The following SEC22C variants were observed in gnomAD, a reference collection of about 807,000 sequenced individuals.
The protein encoded by SEC22C is vesicle-trafficking protein SEC22c.
In SEC22C, 29 loss-of-function variants were observed where a neutral mutation model predicts 34.7. The observed-to-expected ratio is 0.84, with a 90% CI of 0.62 to 1.14. The LOEUF (loss-of-function observed/expected upper bound fraction) is 1.14, where lower values mean the gene tolerates loss of function less well. Among genes scored for constraint, SEC22C ranks in the 50% most tolerant of loss-of-function variants. The pLI is 0.00. For synonymous variants in SEC22C, 117 were observed against 132.8 expected (o/e 0.88, Z 0.82); for missense variants, 337 against 369.0 (o/e 0.91, Z 0.71).
At chr3:42,585,941 CCCCCCCT>C (rs1559534390), upstream of SEC22C, among the ~76,000 whole-genome samples, 1 of 151,888 alleles carries the variant, frequency 6.6e-6, no homozygotes, top group Admixed American at 6.6e-5. Context: ...CACTCTTCAA[CCCCCCCT>C]CCCCCGCTTG....
In SEC22C at chr3:42,550,417, A is replaced by T; in HGVS notation, c.*2831T>A. ...TCAAGGATCACACAAGAGGCTATAA[A>T]CCTCCAACCCTGAACCAAGTCAAAC... On this transcript the variant is annotated 3_prime_UTR_variant, in exon 7 of 7. Transcript: ENST00000264454. 1.0e-6 allele frequency: 1 copy of T among 985,348 alleles called. No homozygotes were observed. Among genetic ancestry groups the T allele is most frequent in the African/African-American group, 1.7e-5 (1 of 57,320 alleles). The allele number at this position is 985,348 out of a possible 1,614,324, so 61.0% of individuals were successfully genotyped here.
At chr3:42,588,847 A>C (rs1359575784) in intron 1 of SEC22C, among the ~76,000 whole-genome samples, 1 of 152,084 alleles carries the variant, frequency 6.6e-6, no homozygotes, top group African/African-American at 2.4e-5. Flanking sequence ...GCTTTGGGGA[A>C]TTTTCCTGAG....
upstream of SEC22C, among the ~76,000 whole-genome samples, chr3:42,585,210 G>A (rs1488540276): frequency 6.6e-6 from 1 of 152,206 alleles, no homozygotes; most frequent in East Asian, 1.9e-4. Flanking sequence ...GAGTGCTTTA[G>A]AACAGGACCT....
intron 4 of SEC22C, 62 bp downstream of exon 4, chr3:42,561,055 C>G (rs1702870420): frequency 6.6e-7 from 1 of 1,512,752 alleles, no homozygotes; most frequent in Admixed American, 2.1e-5. Flanking sequence ...AAAAAAAAAT[C>G]AACGTCCATT....
At chr3:42,601,058 G>A in exon 1 of SEC22C, 1 of 1,574,606 alleles carries the variant, frequency 6.4e-7, no homozygotes, top group South Asian at 1.2e-5. Flanking sequence ...GATCAACCGG[G>A]AGCCGGGTGA....
intron 4 of SEC22C, among the ~76,000 whole-genome samples, chr3:42,559,596 C>T (rs1702748978): frequency 6.6e-6 from 1 of 152,088 alleles, no homozygotes; most frequent in Admixed American, 6.6e-5. Context: ...TAAGTCAAAA[C>T]CATGAATATA....
At chr3:42,554,211 C>T (rs761400483) in intron 6 of SEC22C, among the ~76,000 whole-genome samples, 1 of 152,088 alleles carries the variant, frequency 6.6e-6, no homozygotes, top group Non-Finnish European at 1.5e-5. Flanking sequence ...TGAGGTGGAA[C>T]TGTACAATCC....
chr3:42,591,097 G>A, intron 1 of SEC22C: 1 of 1,016,698 alleles, frequency 9.8e-7, no homozygotes, highest in Non-Finnish European at 1.5e-6. Flanking sequence ...GCCGGGGTGC[G>A]GGGTGAGATG....
chr3:42,583,938 C>T (rs1049029849), upstream of SEC22C, among the ~76,000 whole-genome samples: 2 of 152,186 alleles, frequency 1.3e-5, no homozygotes, highest in Non-Finnish European at 2.9e-5. Context: ...CGGCTTGGGC[C>T]TTGGACTGGG....
At chr3:42,600,291 G>C (rs963295129) in intron 1 of SEC22C, 1 of 152,218 alleles carries the variant, frequency 6.6e-6, no homozygotes, top group Non-Finnish European at 1.5e-5. Flanking sequence ...AAAGAACACA[G>C]AGCAACACAA....
Position 42,553,307 on chromosome 3 carries a change from A to G in SEC22C, c.853T>C (p.Ser285Pro). The change falls in exon 7 of 7, where the codon TCT (serine) becomes CCT (proline). Residue 285 changes from serine (S) to proline (P), a missense_variant. Physicochemically the swap from Ser to Pro is moderately conservative, Grantham distance 74. Coordinates refer to ENST00000264454, the MANE Select transcript of SEC22C (RefSeq NM_032970.4). The stretch of plus-strand genomic sequence containing the variant: ...TGCCTTGTTAGTATCTGATATGAAG[A>G]CAGAAAAGCCACTCCTATGTGGAAA... ...ILFHIGVAFL[S>P]SYQILTRQLQ... The G allele has an allele frequency of 1.2e-6, 2 of 1,614,224 alleles. No homozygotes were observed. Among genetic ancestry groups the G allele is most frequent in the Non-Finnish European group, 1.7e-6 (2 of 1,180,040 alleles).
Position 42,549,263 on chromosome 3 carries a change from C to T in SEC22C, c.*3985G>A. The stretch of plus-strand genomic sequence containing the variant: ...GGCACATCTGATCACCATAAATGCT[C>T]CCACCCCTGCCTGTCCTCACTTGTG... On this transcript the variant is annotated 3_prime_UTR_variant, in exon 7 of 7. Transcript: ENST00000264454. 1 of 986,244 alleles carries T rather than the reference C, an allele frequency of 1.0e-6. No homozygotes were observed. Among genetic ancestry groups the T allele is most frequent in the African/African-American group, 1.7e-5 (1 of 57,358 alleles). The allele number at this position is 986,244 out of a possible 1,614,324, so 61.1% of individuals were successfully genotyped here.
At chr3:42,553,886 T>G (rs1702373204) in intron 6 of SEC22C, among the ~76,000 whole-genome samples, 1 of 152,164 alleles carries the variant, frequency 6.6e-6, no homozygotes, top group African/African-American at 2.4e-5. Flanking sequence ...ATGCTTTTAC[T>G]ATTTTGGTTT....
Position 42,552,686 on chromosome 3 carries a change from T to G in SEC22C, c.*562A>C. On this transcript the variant is annotated 3_prime_UTR_variant, in exon 7 of 7. Coordinates refer to ENST00000264454, the MANE Select transcript of SEC22C (RefSeq NM_032970.4). ...TGAAGTCCAATTTATATCCAAAATA[T>G]AATTAAATATTCCAAAGGTATATCG... is the stretch of plus-strand genomic sequence containing the variant. 1.0e-6 allele frequency: 1 copy of G among 981,002 alleles called. No homozygotes were observed. Among genetic ancestry groups the G allele is most frequent in the Non-Finnish European group, 1.2e-6 (1 of 825,914 alleles). 60.8% of individuals were successfully genotyped at this position (981,002 alleles called of 1,614,324 possible). A position where few individuals can be genotyped will look rare whatever the true frequency, so the allele number is the denominator to read the frequency against.
chr3:42,558,467 A>T (rs1249615892), intron 4 of SEC22C, among the ~76,000 whole-genome samples: 2 of 148,672 alleles, frequency 1.3e-5, no homozygotes, highest in Non-Finnish European at 3.0e-5. Context: ...AAGCCTAGGC[A>T]ACATAGCGAC....
intron 1 of SEC22C, among the ~76,000 whole-genome samples, chr3:42,574,278 A>G (rs1297244536): frequency 2.7e-5 from 4 of 149,966 alleles, no homozygotes; most frequent in Non-Finnish European, 4.4e-5. Flanking sequence ...AGCCAGGTGC[A>G]GTGGCATGTG....
At chr3:42,565,844 T>C in intron 2 of SEC22C, 1 of 452,046 alleles carries the variant, frequency 2.2e-6, no homozygotes, top group Non-Finnish European at 4.4e-6. Flanking sequence ...CTTAGGGAAC[T>C]AACACACTCC....
At chr3:42,590,427 G>A (rs181108936) in intron 1 of SEC22C, among the ~76,000 whole-genome samples, 7 of 152,104 alleles carry the variant, frequency 4.6e-5, no homozygotes, top group Non-Finnish European at 8.8e-5. Context: ...TCAGGAGACC[G>A]AGACCATCCT....
Position 42,581,952 on chromosome 3 carries a change from G to C in SEC22C, c.-134C>G, listed in dbSNP as rs1353659582. 6.6e-6 allele frequency: 1 copy of C among 152,384 alleles called. No individual in the cohort carries two copies. 9.4% of individuals were successfully genotyped at this position (152,384 alleles called of 1,614,324 possible). A position where few individuals can be genotyped will look rare whatever the true frequency, so the allele number is the denominator to read the frequency against. On this transcript the variant is annotated 5_prime_UTR_variant, in exon 1 of 7. Transcript: ENST00000264454. ...CTCGGCCCAGGTCACCGGCAGCCCA[G>C]GCGCAGGTAGGCCGTGGTGCGCGTG...
Sources: gnomAD v4.1 joint callset for allele counts (sites outside exome capture counted in the v4.1 genomes callset) on GRCh38, gnomAD v4.1.1 for gene constraint, MANE v1.5 for transcripts, NCBI Gene and HGNC (gene_info 2026-07-23, HGNC 2026-07-21) for gene names.